PRKN: variants seen among roughly 807,000 people sequenced by gnomAD.
PRKN encodes parkin RBR E3 ubiquitin protein ligase.
A neutral mutation model predicts 59.5 loss-of-function variants in PRKN; 56 were observed. That is an observed-to-expected ratio of 0.94 (90% CI 0.76 to 1.18). The LOEUF (loss-of-function observed/expected upper bound fraction) is 1.18. PRKN is among the 50% of genes most tolerant of loss of function. The pLI is 0.00. For missense variants in PRKN, 657 were observed against 596.4 expected, an observed-to-expected ratio of 1.10 and a Z score of -1.06; for synonymous variants, 250 against 222.1, an observed-to-expected ratio of 1.13 and a Z score of -1.12.
At chr6:162,725,494 TCATGCCTGTAATCCCAGC>T in intron 1 of PRKN, among the ~76,000 whole-genome samples, 5 of 152,214 alleles carry the variant, frequency 3.3e-5, no homozygotes. Flanking sequence ...GCGTGGTGGT[TCATGCCTGTAATCCCAGC>T]ACTTTCAGAG....
chr6:161,728,002 G>A (rs1033921685), intron 7 of PRKN, among the ~76,000 whole-genome samples: 1 of 152,176 alleles, frequency 6.6e-6, no homozygotes, highest in African/African-American at 2.4e-5. Flanking sequence ...GGGGCCTCTG[G>A]TATTCCAGTG....
chr6:162,557,000 T>G (rs13206549), intron 1 of PRKN, among the ~76,000 whole-genome samples: 13,975 of 152,172 alleles, frequency 0.092, 746 homozygotes, highest in Middle Eastern at 0.17. Context: ...TAGATGTGTA[T>G]CTTTTATATC....
intron 4 of PRKN, among the ~76,000 whole-genome samples, chr6:162,182,634 C>CTGTTAAGAGAAG (rs1783846661): frequency 6.6e-6 from 1 of 152,206 alleles, no homozygotes; most frequent in African/African-American, 2.4e-5. Flanking sequence ...GGGCTCATCC[C>CTGTTAAGAGAAG]AGGATCCTCG....
intron 5 of PRKN, among the ~76,000 whole-genome samples, chr6:161,988,279 G>A (rs761015210): frequency 6.6e-6 from 1 of 152,108 alleles, no homozygotes; most frequent in Non-Finnish European, 1.5e-5. Context: ...CTGAGATCAG[G>A]AATTTGAGAC....
intron 9 of PRKN, among the ~76,000 whole-genome samples, chr6:161,531,198 G>A (rs1399430856): frequency 3.3e-5 from 5 of 151,784 alleles, no homozygotes; most frequent in African/African-American, 9.7e-5. Context: ...TGGCTAACAT[G>A]GTGAAACCCC....
chr6:161,807,462 A>G (rs1236016763), intron 6 of PRKN, among the ~76,000 whole-genome samples: 2 of 152,214 alleles, frequency 1.3e-5, no homozygotes, highest in Non-Finnish European at 2.9e-5. Flanking sequence ...TAGGGCTGCC[A>G]TGACAAAGTA....
intron 3 of PRKN, among the ~76,000 whole-genome samples, chr6:162,248,826 C>T (rs1779307335): frequency 6.6e-6 from 1 of 151,548 alleles, no homozygotes. Flanking sequence ...ATATGAAGTT[C>T]TCTTTCTTCT....
At chr6:161,980,419 G>T (rs1424182820) in intron 5 of PRKN, among the ~76,000 whole-genome samples, 1 of 152,176 alleles carries the variant, frequency 6.6e-6, no homozygotes, top group Admixed American at 6.6e-5. Flanking sequence ...TATTTGCATG[G>T]CTCAGGGTAT....
intron 9 of PRKN, among the ~76,000 whole-genome samples, chr6:161,418,754 T>C (rs1787963097): frequency 6.6e-6 from 1 of 152,220 alleles, no homozygotes; most frequent in Admixed American, 6.5e-5. Context: ...ATTCACTCTT[T>C]CTATGGCCTC....
chr6:162,548,446 A>G (rs1444315530), intron 1 of PRKN, among the ~76,000 whole-genome samples: 2 of 152,008 alleles, frequency 1.3e-5, no homozygotes, highest in African/African-American at 4.8e-5. Flanking sequence ...TCATGCCTCA[A>G]CATCAAACGC....
chr6:161,937,583 C>T (rs1441206172), intron 6 of PRKN, among the ~76,000 whole-genome samples: 8 of 152,188 alleles, frequency 5.3e-5, no homozygotes, highest in African/African-American at 1.2e-4. Flanking sequence ...AAACAGTTAT[C>T]TCCTGGGCAT....
chr6:161,997,046 G>A (rs555226643), intron 5 of PRKN, among the ~76,000 whole-genome samples: 12 of 152,100 alleles, frequency 7.9e-5, no homozygotes, highest in African/African-American at 2.2e-4. Context: ...CTTCAATTGC[G>A]TTCTCGAATG....
In PRKN at chr6:162,011,450, A is replaced by ATATTATATATTATATATAT. The variant is rs1782698498; in HGVS notation, c.619-38034_619-38033insATATATATAATATATAATA. Among the ~76,000 whole-genome samples the ATATTATATATTATATATAT allele has an allele frequency of 2.9e-4, 3 of 10,232 alleles. 1 individual carries two copies. Among genetic ancestry groups the ATATTATATATTATATATAT allele is most frequent in the Non-Finnish European group, 4.0e-4 (3 of 7,542 alleles). The allele number at this position is 10,232 out of a possible 152,430, so 6.7% of individuals were successfully genotyped here. A position where few individuals can be genotyped will look rare whatever the true frequency, so the allele number is the denominator to read the frequency against. ...AATATATATGTTATATATTTATAAT[A>ATATTATATATTATATATAT]TATAATATATATATTATAATATATA... On this transcript the variant is annotated intron_variant, in intron 5 of 11. Transcript: ENST00000366898.
intron 1 of PRKN, among the ~76,000 whole-genome samples, chr6:162,726,236 T>C (rs193294085): frequency 2.8e-3 from 426 of 152,324 alleles, no homozygotes; most frequent in Non-Finnish European, 5.0e-3. Flanking sequence ...ATCTGTGCAC[T>C]AGATTAAGTT....
At chr6:162,338,690 G>A (rs1450682608) in intron 2 of PRKN, among the ~76,000 whole-genome samples, 4 of 152,084 alleles carry the variant, frequency 2.6e-5, no homozygotes, top group Non-Finnish European at 4.4e-5. Context: ...TGGGAAGTGA[G>A]GAGTGTCTCT....
chr6:161,766,931 A>G (rs563033407), intron 7 of PRKN, among the ~76,000 whole-genome samples: 34 of 152,314 alleles, frequency 2.2e-4, no homozygotes, highest in African/African-American at 8.2e-4. Flanking sequence ...TGAGAGCCTT[A>G]GTTTCCTCAT....
chr6:162,244,553 G>A (rs969258340), intron 3 of PRKN, among the ~76,000 whole-genome samples: 4 of 152,006 alleles, frequency 2.6e-5, no homozygotes, highest in Non-Finnish European at 4.4e-5. Context: ...TGTCAGTTAT[G>A]TATGTCCTGT....
Position 161,356,666 on chromosome 6 carries a change from GA to G in PRKN, c.1285+3421del, listed in dbSNP as rs1784767989. On this transcript the variant is annotated intron_variant, in intron 11 of 11. Coordinates refer to ENST00000366898, the MANE Select transcript of PRKN (RefSeq NM_004562.3). This position sits in a 1 kb window ranked among gnomAD's most constrained non-coding sequence, Gnocchi z 7.8. Reference sequence around the variant, plus strand: ...TGCAGGGTGAGGAAGAGCATGGAATGAAGGATGAGCTTTAGCTTAGCGGCTT... The same window carrying G: ...TGCAGGGTGAGGAAGAGCATGGAATGAGGATGAGCTTTAGCTTAGCGGCTT... Among the ~76,000 whole-genome samples, 1 of 152,154 alleles carries G rather than the reference GA, an allele frequency of 6.6e-6. No homozygotes were observed. The highest frequency in any genetic ancestry group is 2.4e-5 in the African/African-American group (1 of 41,422).
At chr6:162,296,403 C>T (rs1387507435) in intron 2 of PRKN, among the ~76,000 whole-genome samples, 2 of 151,982 alleles carry the variant, frequency 1.3e-5, no homozygotes, top group African/African-American at 2.4e-5. Context: ...GAGTCTGATA[C>T]TCATATCACT....
Sources: allele counts gnomAD v4.1 joint callset (sites outside exome capture counted in the v4.1 genomes callset), GRCh38; gene constraint gnomAD v4.1.1; non-coding constraint Gnocchi (gnomAD v3.1); transcripts MANE v1.5; gene names NCBI Gene and HGNC (gene_info 2026-07-23, HGNC 2026-07-21).